The following USP20 variants were observed in gnomAD, a reference collection of about 807,000 sequenced individuals.
The protein encoded by USP20 is ubiquitin carboxyl-terminal hydrolase 20.
A neutral mutation model predicts 124.2 loss-of-function variants in USP20; 80 were observed. The observed-to-expected ratio is 0.64, with a 90% confidence interval of 0.54 to 0.78. The LOEUF (loss-of-function observed/expected upper bound fraction) is 0.78, where lower values mean the gene tolerates loss of function less well. Among genes scored for constraint, USP20 ranks in the 30% least tolerant of loss-of-function variants. The probability of loss-of-function intolerance (pLI) is 0.00; values close to 1 mark genes in which losing one functional copy is unlikely to be tolerated. For synonymous variants in USP20, 481 were observed against 512.3 expected, an observed-to-expected ratio of 0.94 and a Z score of 0.83; for missense variants, 1,043 against 1,244.4, an observed-to-expected ratio of 0.84 and a Z score of 2.44.
intron 22 of USP20, among the ~76,000 whole-genome samples, chr9:129,878,082 ATC>A (rs757085805): frequency 9.2e-5 from 14 of 152,108 alleles, no homozygotes; most frequent in Admixed American, 7.2e-4. Flanking sequence ...AAAAAGTAGA[ATC>A]TCCCTTGTGG....
Position 129,868,326 on chromosome 9 carries a change from C to G in USP20, c.1012C>G (p.Arg338Gly), listed in dbSNP as rs754072984. The G allele has an allele frequency of 6.2e-7, 1 of 1,613,650 alleles. No homozygotes were observed. The highest frequency in any genetic ancestry group is 8.5e-7 in the Non-Finnish European group (1 of 1,179,946). ...CCGCAAGTTCTCCTGGGGCCAGCAG[C>G]GTACAAACTCGGAGCAAGTGGACGA... ...KDRKFSWGQQ[R>G]TNSEQVDEDA... The change falls in exon 11 of 26, where the codon CGT becomes GGT. Residue 338 changes from arginine to glycine, a missense_variant. Arg to Gly is a moderately radical substitution (Grantham distance 125). Transcript: ENST00000372429.
intron 1 of USP20, among the ~76,000 whole-genome samples, chr9:129,836,607 C>T (rs982122271): frequency 9.2e-5 from 14 of 152,188 alleles, no homozygotes; most frequent in African/African-American, 1.7e-4. Flanking sequence ...AAGACCATTC[C>T]GAAGCAGGGC....
chr9:129,865,560 A>G (rs979711612), intron 10 of USP20, among the ~76,000 whole-genome samples, 179 bp downstream of exon 10: 18 of 152,144 alleles, frequency 1.2e-4, no homozygotes, highest in African/African-American at 4.3e-4. Context: ...CCTCCCAGCA[A>G]CCTGCTGACA....
chr9:129,852,413 C>G (rs777281138), intron 2 of USP20, 127 bp from the exon 3 acceptor site: 2 of 730,910 alleles, frequency 2.7e-6, no homozygotes, highest in African/African-American at 3.5e-5. Context: ...AGCAACTTCC[C>G]TGCGTTACCA....
At chr9:129,861,493 C>T (rs184614005) in intron 7 of USP20, 50 bp from the exon 8 acceptor site, 268 of 1,566,100 alleles carry the variant, frequency 1.7e-4, no homozygotes, top group Admixed American at 1.1e-3. Context: ...AAGGTTTCCT[C>T]GGTGGGGCAG....
rs34092925 is a variant in USP20 at position 129,840,766 on chromosome 9, C to CTT, written c.-129+5287_-129+5288dup. Among the ~76,000 whole-genome samples, 355 of 120,410 alleles carry CTT rather than the reference C, an allele frequency of 2.9e-3. 8 individuals carry two copies. In the South Asian group the frequency reaches 0.033, roughly 11 times the overall value. 79.0% of individuals were successfully genotyped at this position (120,410 alleles called of 152,430 possible). A position where few individuals can be genotyped will look rare whatever the true frequency, so the allele number is the denominator to read the frequency against. Reference sequence around the variant, plus strand: ...AAAGCGTGAGTTCCACCTTTAGAAACTTTTTTTTTTTTTTTTTTTTTGAGA... The same window carrying CTT: ...AAAGCGTGAGTTCCACCTTTAGAAACTTTTTTTTTTTTTTTTTTTTTTTGAGA... On this transcript the variant is annotated intron_variant, in intron 1 of 25. Transcript: ENST00000372429.
At position 129,867,998 on chromosome 9, in the gene USP20, G is replaced by A. The variant is rs1047989579; in HGVS notation, c.691-7G>A. On this transcript the variant is annotated splice_polypyrimidine_tract_variant and splice_region_variant and intron_variant, in intron 10 of 25. Transcript: ENST00000372429. ...GGGAGCCCTGTTGATGCAGCCCCTG[G>A]TTCTAGGACACCCAAGAGTTCCTTC... 2 of 1,609,990 alleles carry A rather than the reference G, an allele frequency of 1.2e-6. No homozygotes were observed. Among genetic ancestry groups the A allele is most frequent in the South Asian group, 1.1e-5 (1 of 90,824 alleles).
chr9:129,858,806 G>A (rs1564205865), intron 6 of USP20, among the ~76,000 whole-genome samples: 1 of 152,212 alleles, frequency 6.6e-6, no homozygotes, highest in Non-Finnish European at 1.5e-5. Context: ...GAGACCATGA[G>A]GGTGCAGAGG....
chr9:129,878,334 C>A lies in USP20; in HGVS notation c.2410-4C>A. On this transcript the variant is annotated splice_polypyrimidine_tract_variant and splice_region_variant and intron_variant, in intron 22 of 25. Transcript: ENST00000372429. ...GTCTCCTCCCGTCCCTGCCCGCCTGCCAGTTGAACAAGGCCTTCCAGGCCG... is the reference window on the plus strand; with the variant it reads ...GTCTCCTCCCGTCCCTGCCCGCCTGACAGTTGAACAAGGCCTTCCAGGCCG... The A allele has an allele frequency of 6.3e-7, 1 of 1,583,812 alleles. No individual in the cohort carries two copies. Among genetic ancestry groups the A allele is most frequent in the Non-Finnish European group, 8.6e-7 (1 of 1,164,850 alleles).
At chr9:129,871,565 C>A (rs1374625280) in intron 15 of USP20, among the ~76,000 whole-genome samples, 6 of 152,176 alleles carry the variant, frequency 3.9e-5, no homozygotes. Context: ...GTACTGGGTT[C>A]CACAGTGGCC....
At chr9:129,850,066 A>T (rs1350917018) in intron 2 of USP20, 142 bp downstream of exon 2, 1 of 151,972 alleles carries the variant, frequency 6.6e-6, no homozygotes, top group African/African-American at 2.4e-5. Context: ...TACAGATGGA[A>T]TGTGATCGCC....
intron 6 of USP20, 88 bp downstream of exon 6, chr9:129,858,686 G>C: frequency 6.5e-7 from 1 of 1,542,416 alleles, no homozygotes; most frequent in Non-Finnish European, 8.8e-7. Context: ...GGAGCATGGG[G>C]CAGTAGGTCC....
intron 1 of USP20, among the ~76,000 whole-genome samples, chr9:129,846,247 A>ATATATT (rs1554742656): frequency 1.5e-4 from 5 of 32,684 alleles, no homozygotes; most frequent in African/African-American, 5.9e-4. Flanking sequence ...ATATATATAT[A>ATATATT]TTTTTTTTTT....
chr9:129,871,137 A>G (rs1304840995), intron 15 of USP20, among the ~76,000 whole-genome samples: 1 of 152,116 alleles, frequency 6.6e-6, no homozygotes, highest in Non-Finnish European at 1.5e-5. Flanking sequence ...GAACTTTTAC[A>G]TCTTGCAAAC....
intron 6 of USP20, among the ~76,000 whole-genome samples, chr9:129,859,814 C>T (rs7874971): frequency 0.88 from 133,417 of 152,124 alleles, 58,893 homozygotes; most frequent in East Asian, 1. Context: ...GCAGGAGGAT[C>T]GCTTGAGCCC....
At chr9:129,862,240 G>A (rs181999641) in intron 8 of USP20, among the ~76,000 whole-genome samples, 127 of 152,276 alleles carry the variant, frequency 8.3e-4, no homozygotes, top group African/African-American at 3.0e-3. Flanking sequence ...GCAGGATGCA[G>A]GTCAATTATT....
intron 16 of USP20, 43 bp from the exon 17 acceptor site, chr9:129,873,656 C>T (rs1230409577): frequency 6.2e-7 from 1 of 1,613,820 alleles, no homozygotes. Context: ...TGGCCCCTGG[C>T]CCTGATGCCG....
intron 15 of USP20, among the ~76,000 whole-genome samples, chr9:129,872,895 A>T (rs7848326): frequency 6.6e-6 from 1 of 151,752 alleles, no homozygotes; most frequent in Non-Finnish European, 1.5e-5. Flanking sequence ...TGCACTTCCC[A>T]CCCCACCTCC....
chr9:129,869,377 C>G lies in USP20; in HGVS notation c.1344C>G (p.Ile448Met). The change falls in exon 13 of 26, where the codon ATC becomes ATG. Residue 448 changes from isoleucine to methionine, a missense_variant. Coordinates refer to ENST00000372429, the MANE Select transcript of USP20 (RefSeq NM_001110303.4). ...EQRYRSVISD[I>M]FDGSILSLVQ... ...GCTACCGCAGCGTCATCTCAGACAT[C>G]TTTGACGGCTCCATTCTCAGCCTTG... 1 of 1,613,752 alleles carries G rather than the reference C, an allele frequency of 6.2e-7. No homozygotes were observed. Among genetic ancestry groups the G allele is most frequent in the Non-Finnish European group, 8.5e-7 (1 of 1,179,994 alleles).
Sources: allele counts gnomAD v4.1 joint callset (sites outside exome capture counted in the v4.1 genomes callset), GRCh38; gene constraint gnomAD v4.1.1; transcripts MANE v1.5; gene names NCBI Gene and HGNC (gene_info 2026-07-23, HGNC 2026-07-21).